Variants in UNC5B observed in about 807,000 individuals in gnomAD.
UNC5B encodes the protein netrin receptor UNC5B.
Under a neutral mutation model 103.7 loss-of-function variants are expected in UNC5B, and 56 were observed. The observed-to-expected ratio is 0.54, with a 90% CI of 0.44 to 0.67. The LOEUF (loss-of-function observed/expected upper bound fraction) is 0.67. Ranked by LOEUF, UNC5B falls within the 30% of genes least tolerant of loss-of-function variation. UNC5B has a pLI of 0.00. For synonymous variants in UNC5B, 577 were observed against 542.0 expected (o/e 1.06, Z -0.90); for missense variants, 1,194 against 1,284.5 (o/e 0.93, Z 1.08).
rs769774408 is a variant in UNC5B at position 71,291,033 on chromosome 10, C to T, written c.1218C>T (p.Phe406=). The T allele has an allele frequency of 1.8e-5, 29 of 1,614,032 alleles. No homozygotes were observed. Among genetic ancestry groups the T allele is most frequent in the East Asian group, 1.6e-4 (7 of 44,876 alleles). ...VVVYRRNCRD[F]DTDITDSSAA... ...TGTACCGCCGCAACTGCCGTGACTT[C>T]GACACAGACATCACTGACTCATCTG... Residue 406 remains phenylalanine, a synonymous_variant, in exon 9 of 17, where the codon TTC becomes TTT. Transcript: ENST00000335350.
intron 13 of UNC5B, among the ~76,000 whole-genome samples, chr10:71,295,565 G>T (rs1468794313): frequency 6.6e-6 from 1 of 152,068 alleles, no homozygotes; most frequent in Non-Finnish European, 1.5e-5. Flanking sequence ...CCATCCATCT[G>T]TCCATTTATT....
At chr10:71,246,040 G>A (rs1009692221) in intron 1 of UNC5B, among the ~76,000 whole-genome samples, 13 of 152,162 alleles carry the variant, frequency 8.5e-5, no homozygotes, top group African/African-American at 3.1e-4. Flanking sequence ...TGGAGGTGGG[G>A]GCGGCCCCGA....
rs190099599 is a variant in UNC5B, at chr10:71,231,141, C to T, written c.79+18077C>T. Among the ~76,000 whole-genome samples, 14 of 152,270 alleles carry T rather than the reference C, an allele frequency of 9.2e-5. No homozygotes were observed. In the East Asian group the frequency reaches 1.2e-3, roughly 13 times the overall value. On this transcript the variant is annotated intron_variant, in intron 1 of 16. Transcript: ENST00000335350. ...TATGAAAGCTATATAAGCTGTGCATCGTAAAGTCCCCTTAGCCCAGCAGCC... is the reference window on the plus strand; with the variant it reads ...TATGAAAGCTATATAAGCTGTGCATTGTAAAGTCCCCTTAGCCCAGCAGCC...
intron 1 of UNC5B, among the ~76,000 whole-genome samples, chr10:71,256,450 G>A (rs1425558265): frequency 6.6e-6 from 1 of 152,276 alleles, no homozygotes; most frequent in Non-Finnish European, 1.5e-5. Flanking sequence ...CGAATGGAGG[G>A]AGATAATTCT....
At chr10:71,279,065 C>T (rs1412964589) in intron 1 of UNC5B, among the ~76,000 whole-genome samples, 1 of 152,158 alleles carries the variant, frequency 6.6e-6, no homozygotes, top group Non-Finnish European at 1.5e-5. Flanking sequence ...GAGACTGCCA[C>T]AGGCACAGCC....
intron 1 of UNC5B, among the ~76,000 whole-genome samples, chr10:71,248,622 C>T (rs900414645): frequency 2.0e-5 from 3 of 152,052 alleles, no homozygotes; most frequent in Admixed American, 6.5e-5. Context: ...CCCAGTAGAC[C>T]GGCTAATATC....
Position 71,279,985 on chromosome 10 carries a change from A to G in UNC5B, c.244A>G (p.Asn82Asp). ...FPATQIYFKCNGEWVSQNDHV... is the reference protein window; with the variant it reads ...FPATQIYFKCDGEWVSQNDHV... ...CGCCACACAGATCTACTTCAAGTGC[A>G]ACGGCGAGTGGGTCAGCCAGAACGA... Residue 82 changes from asparagine to aspartate, a missense_variant, in exon 2 of 17, where the codon AAC becomes GAC. Coordinates refer to ENST00000335350, the MANE Select transcript of UNC5B (RefSeq NM_170744.5). The G allele has an allele frequency of 6.2e-7, 1 of 1,614,096 alleles. No individual in the cohort carries two copies. Among genetic ancestry groups the G allele is most frequent in the East Asian group, 2.2e-5 (1 of 44,892 alleles).
At chr10:71,290,297 C>T (rs1043470952) in intron 8 of UNC5B, among the ~76,000 whole-genome samples, 1 of 152,100 alleles carries the variant, frequency 6.6e-6, no homozygotes, top group East Asian at 1.9e-4. Flanking sequence ...GCCATGTTTG[C>T]CTGGGGGAGG....
intron 1 of UNC5B, among the ~76,000 whole-genome samples, chr10:71,231,396 C>A (rs1028685041): frequency 4.6e-5 from 7 of 152,226 alleles, no homozygotes; most frequent in African/African-American, 1.7e-4. Context: ...CAGGTCTCGG[C>A]TCCAATGGCC....
intron 14 of UNC5B, 104 bp downstream of exon 14, chr10:71,296,064 C>A: frequency 6.7e-7 from 1 of 1,488,490 alleles, no homozygotes; most frequent in Non-Finnish European, 9.1e-7. Flanking sequence ...TGTGGCCTTA[C>A]CCCTCCCTGG....
intron 2 of UNC5B, among the ~76,000 whole-genome samples, chr10:71,281,083 G>T (rs553408062): frequency 1.3e-5 from 2 of 151,152 alleles, no homozygotes; most frequent in Non-Finnish European, 1.5e-5. Flanking sequence ...CTCACTCTCT[G>T]TCTCCCTGAC....
chr10:71,289,840 T>A (rs1401836174), intron 8 of UNC5B, among the ~76,000 whole-genome samples: 1 of 152,184 alleles, frequency 6.6e-6, no homozygotes, highest in Non-Finnish European at 1.5e-5. Context: ...AAGTCGGAAG[T>A]GGGCAGACAT....
intron 1 of UNC5B, among the ~76,000 whole-genome samples, chr10:71,243,332 C>T (rs1843951043): frequency 6.6e-6 from 1 of 152,140 alleles, no homozygotes; most frequent in African/African-American, 2.4e-5. Flanking sequence ...GCAGTGGGGG[C>T]TGTCACACCT....
chr10:71,295,133 G>A lies in UNC5B; in HGVS notation c.2176-678G>A, dbSNP rs1045346228. Among the ~76,000 whole-genome samples, 4 of 152,318 alleles carry A rather than the reference G, an allele frequency of 2.6e-5. No homozygotes were observed. In the East Asian group the frequency reaches 5.8e-4, roughly 22 times the overall value. Reference sequence around the variant, plus strand: ...GACAACATAGGTGAAAGGCCCATGGGAGAAGGAGTGTCCCCTGCTGGGAGG... The same window carrying A: ...GACAACATAGGTGAAAGGCCCATGGAAGAAGGAGTGTCCCCTGCTGGGAGG... On this transcript the variant is annotated intron_variant, in intron 13 of 16. Transcript: ENST00000335350.
intron 4 of UNC5B, among the ~76,000 whole-genome samples, 156 bp from the exon 5 acceptor site, chr10:71,286,533 T>C (rs1177833747): frequency 6.6e-6 from 1 of 152,158 alleles, no homozygotes; most frequent in East Asian, 1.9e-4. Context: ...ATGGTGCTCT[T>C]AACCCCAGAG....
At chr10:71,240,656 C>T (rs922828016) in intron 1 of UNC5B, among the ~76,000 whole-genome samples, 3 of 152,238 alleles carry the variant, frequency 2.0e-5, no homozygotes, top group East Asian at 1.9e-4. Flanking sequence ...AGCAGCTGCC[C>T]GCCGCCTGCT....
intron 16 of UNC5B, among the ~76,000 whole-genome samples, chr10:71,298,608 C>CA (rs36081194): frequency 1.4e-4 from 21 of 151,230 alleles, no homozygotes; most frequent in African/African-American, 4.9e-4. Flanking sequence ...CATTGAGTCT[C>CA]AAAAAATAAA....
At chr10:71,216,744 T>C (rs1021146968) in intron 1 of UNC5B, among the ~76,000 whole-genome samples, 1 of 152,224 alleles carries the variant, frequency 6.6e-6, no homozygotes, top group Non-Finnish European at 1.5e-5. Flanking sequence ...GTCTGCCTCC[T>C]ACGCCCCATT....
At chr10:71,243,011 T>C (rs888808780) in intron 1 of UNC5B, among the ~76,000 whole-genome samples, 1 of 152,142 alleles carries the variant, frequency 6.6e-6, no homozygotes, top group Non-Finnish European at 1.5e-5. Context: ...AGCGGGCGGA[T>C]CACCTGAGGT....
Sources: gnomAD v4.1 joint callset for allele counts (sites outside exome capture counted in the v4.1 genomes callset) on GRCh38, gnomAD v4.1.1 for gene constraint, MANE v1.5 for transcripts, NCBI Gene and HGNC (gene_info 2026-07-23, HGNC 2026-07-21) for gene names.